SKI: variants seen among roughly 807,000 people sequenced by gnomAD.
The protein encoded by SKI is SKI proto-oncogene.
In SKI, 23 loss-of-function variants were observed where a neutral mutation model predicts 59.3. The ratio of observed to expected loss-of-function variants is 0.39; its 90% confidence interval spans 0.28 to 0.55. The LOEUF is 0.55. Ranked by LOEUF, SKI falls within the 20% of genes least tolerant of loss-of-function variation. The pLI is 0.67. For missense variants in SKI, 1,017 were observed against 1,038.9 expected (o/e 0.98, Z 0.29); for synonymous variants, 673 against 488.6 (o/e 1.38, Z -4.98).
Position 2,229,893 on chromosome 1 carries a change from A to G in SKI, c.969+158A>G, listed in dbSNP as rs1463829565. Among the ~76,000 whole-genome samples, 2 of 152,144 alleles carry G rather than the reference A, an allele frequency of 1.3e-5. No homozygotes were observed. Among genetic ancestry groups the G allele is most frequent in the African/African-American group, 4.8e-5 (2 of 41,422 alleles). Reference sequence around the variant, plus strand: ...TTTTAGGGAAATTCAGAGTGTTCCGACTGGCAGGGCCAGAGAGTTTGGTAG... The same window carrying G: ...TTTTAGGGAAATTCAGAGTGTTCCGGCTGGCAGGGCCAGAGAGTTTGGTAG... On this transcript the variant is annotated intron_variant, in intron 1 of 6. Coordinates refer to ENST00000378536, the MANE Select transcript of SKI (RefSeq NM_003036.4). This position sits in a 1 kb window ranked among gnomAD's most constrained non-coding sequence, Gnocchi z 6.3.
chr1:2,240,636 G>A (rs1487183800), intron 1 of SKI: 1 of 985,336 alleles, frequency 1.0e-6, no homozygotes, highest in Non-Finnish European at 1.2e-6. Context: ...TAACCATACA[G>A]CATTAACAAG....
intron 1 of SKI, among the ~76,000 whole-genome samples, chr1:2,230,001 GGAAGGCCC>G (rs1222321191): frequency 1.3e-5 from 2 of 152,210 alleles, no homozygotes; most frequent in Non-Finnish European, 2.9e-5. Flanking sequence ...TGGTGTGTGG[GGAAGGCCC>G]GCAGGCCCAC....
Position 2,310,062 on chromosome 1 carries a change from A to C in SKI, c.*3297A>C, listed in dbSNP as rs1640713356. 1 of 150,148 alleles carries C rather than the reference A, an allele frequency of 6.7e-6. No individual in the cohort carries two copies. Among genetic ancestry groups the C allele is most frequent in the South Asian group, 2.1e-4 (1 of 4,720 alleles). 9.3% of individuals were successfully genotyped at this position (150,148 alleles called of 1,614,324 possible). ...ATGCTTACTCTGCTACTCGGAAACT[A>C]TTTTTATGTAATTAATGTATGCTTT... On this transcript the variant is annotated 3_prime_UTR_variant, in exon 7 of 7. Transcript: ENST00000378536.
Position 2,269,134 on chromosome 1 carries a change from A to T in SKI, c.970-33844A>T, listed in dbSNP as rs1639562424. Among the ~76,000 whole-genome samples the T allele has an allele frequency of 6.6e-6, 1 of 152,054 alleles. No individual in the cohort carries two copies. ...AACGTTTTATATTTTTTGGGTAGAG[A>T]TGGGGTCTCGCCATGTTGTCCAGGC... On this transcript the variant is annotated intron_variant, in intron 1 of 6. Transcript: ENST00000378536. This position sits in a 1 kb window ranked among gnomAD's most constrained non-coding sequence, Gnocchi z 4.7.
At chr1:2,305,919 C>CA in intron 5 of SKI, 101 bp from the exon 6 acceptor site, 1 of 933,202 alleles carries the variant, frequency 1.1e-6, no homozygotes, top group Non-Finnish European at 1.7e-6. Context: ...GGCACATTGT[C>CA]AGATAGATGA....
In SKI at chr1:2,229,718, A is replaced by G; in HGVS notation, c.952A>G (p.Lys318Glu). The part of the protein sequence containing the change: ...KEKFDYGNKY[K>E]RRVPRVSSEP... ...GAAATTCGACTATGGCAACAAGTACAAGCGGCGGGTGCCCCGGGTGAGTGG... is the reference window on the plus strand; with the variant it reads ...GAAATTCGACTATGGCAACAAGTACGAGCGGCGGGTGCCCCGGGTGAGTGG... Residue 318 changes from lysine to glutamate, a missense_variant, in exon 1 of 7, where the codon AAG (lysine) becomes GAG (glutamate). By Grantham distance (56) the Lys-to-Glu change is moderately conservative. Transcript: ENST00000378536. This position sits in a 1 kb window ranked among gnomAD's most constrained non-coding sequence, Gnocchi z 6.3. 6.4e-7 allele frequency: 1 copy of G among 1,570,396 alleles called. No homozygotes were observed. Among genetic ancestry groups the G allele is most frequent in the African/African-American group, 1.4e-5 (1 of 73,814 alleles).
chr1:2,279,293 C>T (rs913251518), intron 1 of SKI, among the ~76,000 whole-genome samples: 33 of 152,356 alleles, frequency 2.2e-4, no homozygotes, highest in Non-Finnish European at 3.4e-4. Flanking sequence ...GTGGAAGGGG[C>T]GTGGCCGTGC....
At chr1:2,249,289 A>AGGACGTGTGAG (rs1553193041) in intron 1 of SKI, among the ~76,000 whole-genome samples, 1 of 152,194 alleles carries the variant, frequency 6.6e-6, no homozygotes, top group African/African-American at 2.4e-5. Flanking sequence ...CTACAGGCTG[A>AGGACGTGTGAG]GGACGTGTGA....
chr1:2,229,226 A>G lies in SKI; in HGVS notation c.460A>G (p.Thr154Ala). ...GCTCCACATCTACTGCTCGCGCTGCACGGCCGACCAGCTGGAGATCCTCAA... is the reference window on the plus strand; with the variant it reads ...GCTCCACATCTACTGCTCGCGCTGCGCGGCCGACCAGCTGGAGATCCTCAA... ...DELHIYCSRC[T>A]ADQLEILKVM... Residue 154 changes from threonine to alanine, a missense_variant, in exon 1 of 7, where the codon ACG (threonine) becomes GCG (alanine). Thr to Ala is a moderately conservative substitution (Grantham distance 58). Coordinates refer to ENST00000378536, the MANE Select transcript of SKI (RefSeq NM_003036.4). This position sits in a 1 kb window ranked among gnomAD's most constrained non-coding sequence, Gnocchi z 6.3. 1.2e-6 allele frequency: 2 copies of G among 1,607,474 alleles called. No homozygotes were observed. The highest frequency in any genetic ancestry group is 2.2e-5 in the South Asian group (2 of 90,276).
At chr1:2,233,050 T>C (rs1638676436) in intron 1 of SKI, among the ~76,000 whole-genome samples, 1 of 152,154 alleles carries the variant, frequency 6.6e-6, no homozygotes, top group Non-Finnish European at 1.5e-5. Flanking sequence ...AATGTGGCAG[T>C]TGGAGCTGCC....
At chr1:2,264,031 G>A (rs1639445167) in intron 1 of SKI, among the ~76,000 whole-genome samples, 1 of 151,424 alleles carries the variant, frequency 6.6e-6, no homozygotes, top group African/African-American at 2.4e-5. Flanking sequence ...AAAAAGTTTC[G>A]TGGAACTTAC....
chr1:2,279,411 G>A (rs962165958), intron 1 of SKI, among the ~76,000 whole-genome samples: 6 of 152,184 alleles, frequency 3.9e-5, no homozygotes, highest in African/African-American at 4.8e-5. Context: ...TCCAAGTCTT[G>A]TGTGTGTGGT....
chr1:2,257,770 C>T (rs1024694709), intron 1 of SKI, among the ~76,000 whole-genome samples: 2 of 151,996 alleles, frequency 1.3e-5, no homozygotes, highest in African/African-American at 4.8e-5. Flanking sequence ...TGGAACTTTG[C>T]TCTTGTTGCC....
intron 1 of SKI, among the ~76,000 whole-genome samples, chr1:2,250,985 A>G (rs758043454): frequency 3.3e-5 from 5 of 152,130 alleles, no homozygotes; most frequent in African/African-American, 4.8e-5. Context: ...TTAATGAGTA[A>G]TCCGCCGAGG....
In SKI at chr1:2,229,294, C is replaced by T. The variant is rs761071712; in HGVS notation, c.528C>T (p.Leu176=). Residue 176 remains leucine, a synonymous_variant, in exon 1 of 7, where the codon CTC becomes CTT. Coordinates refer to ENST00000378536, the MANE Select transcript of SKI (RefSeq NM_003036.4). The surrounding 1 kb of genome is among the most constrained non-coding windows in gnomAD (Gnocchi z 6.3). The stretch of plus-strand genomic sequence containing the variant: ...CCTTCTCGGCGCCCTCGTGCGGGCT[C>T]ATCACCAAGACGGACGCCGAGCGCC... ...ILPFSAPSCG[L]ITKTDAERLC... is the part of the protein sequence containing the mutation. 48 of 1,596,716 alleles carry T rather than the reference C, an allele frequency of 3.0e-5. No individual in the cohort carries two copies. The East Asian group carries it at 3.9e-4, about 13-fold the overall frequency.
intron 1 of SKI, among the ~76,000 whole-genome samples, chr1:2,285,621 G>A (rs1385511745): frequency 6.6e-6 from 1 of 150,908 alleles, no homozygotes; most frequent in African/African-American, 2.4e-5. Flanking sequence ...CTGGAGTGCA[G>A]TGGCGTGATC....
Position 2,248,944 on chromosome 1 carries a change from A to G in SKI, c.969+19209A>G, listed in dbSNP as rs1229135540. 3.3e-5 allele frequency among the ~76,000 whole-genome samples: 5 copies of G among 152,348 alleles called. No individual in the cohort carries two copies. In the Middle Eastern group the frequency reaches 0.014, roughly 415 times the overall value. ...TTGGAAGAGGCAGCTGGGTCCCACA[A>G]GCCATCTCAGGAGCCGCGTCTGGGC... is the stretch of plus-strand genomic sequence containing the variant. On this transcript the variant is annotated intron_variant, in intron 1 of 6. Coordinates refer to ENST00000378536, the MANE Select transcript of SKI (RefSeq NM_003036.4).
rs1403840719 is a variant in SKI at position 2,308,961 on chromosome 1, A to C, written c.*2196A>C. 4 of 152,310 alleles carry C rather than the reference A, an allele frequency of 2.6e-5. No individual in the cohort carries two copies. The highest frequency in any genetic ancestry group is 5.9e-5 in the Non-Finnish European group (4 of 68,110). The allele number at this position is 152,310 out of a possible 1,614,324, so 9.4% of individuals were successfully genotyped here. A position where few individuals can be genotyped will look rare whatever the true frequency, so the allele number is the denominator to read the frequency against. ...CCCCACTTCGGCTCTGGGAGGGTCCAGCCAGTGTCACCTGGGCCCACCCTT... is the reference window on the plus strand; with the variant it reads ...CCCCACTTCGGCTCTGGGAGGGTCCCGCCAGTGTCACCTGGGCCCACCCTT... On this transcript the variant is annotated 3_prime_UTR_variant, in exon 7 of 7. Transcript: ENST00000378536.
chr1:2,236,107 C>T (rs759090702), intron 1 of SKI, among the ~76,000 whole-genome samples: 2 of 152,130 alleles, frequency 1.3e-5, no homozygotes, highest in Admixed American at 6.5e-5. Context: ...GATGCTGAAT[C>T]GGGGCGTTTA....
Sources: gnomAD v4.1 joint callset for allele counts (sites outside exome capture counted in the v4.1 genomes callset) on GRCh38, gnomAD v4.1.1 for gene constraint, Gnocchi (gnomAD v3.1) non-coding constraint, MANE v1.5 for transcripts, NCBI Gene and HGNC (gene_info 2026-07-23, HGNC 2026-07-21) for gene names.